The following EYS variants were observed in gnomAD, a reference collection of about 807,000 sequenced individuals.
EYS encodes the protein EGF-like photoreceptor maintenance factor.
EYS carries 250 observed loss-of-function variants against 282.1 expected under a neutral mutation model. That is an observed-to-expected ratio of 0.89 (90% CI 0.80 to 0.98). The LOEUF (loss-of-function observed/expected upper bound fraction) is 0.98, where lower values mean the gene tolerates loss of function less well. Ranked by LOEUF, EYS falls within the 50% of genes least tolerant of loss-of-function variation. The pLI is 0.00. For synonymous variants in EYS, 1,355 were observed against 1,282.9 expected (o/e 1.06, Z -1.20); for missense variants, 4,016 against 3,709.0 (o/e 1.08, Z -2.15).
chr6:65,646,243 A>C lies in EYS; in HGVS notation c.-447-6351T>G, dbSNP rs78148547. On this transcript the variant is annotated intron_variant, in intron 1 of 42. Coordinates refer to ENST00000503581, the MANE Select transcript of EYS (RefSeq NM_001142800.2). ...ATCACAACTACAACAAGAACAAAAA[A>C]ACTGCAGACCAATATCCCTGTTGAG... Among the ~76,000 whole-genome samples, 695 of 152,178 alleles carry C rather than the reference A, an allele frequency of 4.6e-3. 9 individuals are homozygous for C. Among genetic ancestry groups the C allele is most frequent in the African/African-American group, 0.016 (651 of 41,546 alleles).
At chr6:65,663,250 C>G (rs1404518361) in intron 1 of EYS, among the ~76,000 whole-genome samples, 1 of 152,012 alleles carries the variant, frequency 6.6e-6, no homozygotes, top group Non-Finnish European at 1.5e-5. Context: ...ATCTAGAGAA[C>G]AGGAAGAGAG....
intron 31 of EYS, among the ~76,000 whole-genome samples, chr6:64,082,265 A>C (rs1562191085): frequency 6.6e-6 from 1 of 152,134 alleles, no homozygotes; most frequent in Non-Finnish European, 1.5e-5. Flanking sequence ...CATAACAAAC[A>C]CTCTAAAATT....
chr6:65,360,109 A>T (rs1283488072), intron 8 of EYS, among the ~76,000 whole-genome samples: 1 of 151,992 alleles, frequency 6.6e-6, no homozygotes, highest in African/African-American at 2.4e-5. Flanking sequence ...ATATAACCTT[A>T]TAATTCTGAT....
intron 26 of EYS, among the ~76,000 whole-genome samples, chr6:64,444,896 C>G (rs1370781030): frequency 6.6e-6 from 1 of 152,168 alleles, no homozygotes; most frequent in Non-Finnish European, 1.5e-5. Flanking sequence ...ATGTGAAACC[C>G]TGCCTCCCAC....
intron 30 of EYS, among the ~76,000 whole-genome samples, chr6:64,284,919 A>G (rs940867848): frequency 6.6e-6 from 1 of 151,656 alleles, no homozygotes; most frequent in Non-Finnish European, 1.5e-5. Context: ...CCACAAAACC[A>G]TTTTTTCCTA....
rs574133506 is a variant in EYS, at chr6:64,048,695, T to C, written c.6725+17643A>G. 3.3e-5 allele frequency among the ~76,000 whole-genome samples: 5 copies of C among 152,228 alleles called. No homozygotes were observed. In the South Asian group the frequency reaches 1.0e-3, roughly 32 times the overall value. The stretch of plus-strand genomic sequence containing the variant: ...AAGTGCCCATGTTCATCTAGTCATT[T>C]TTTTTTGTTCATTTTTATATGACTA... On this transcript the variant is annotated intron_variant, in intron 33 of 42. Transcript: ENST00000503581.
At chr6:64,603,180 G>GA (rs1389169740) in intron 24 of EYS, among the ~76,000 whole-genome samples, 1 of 151,768 alleles carries the variant, frequency 6.6e-6, no homozygotes, top group South Asian at 2.1e-4. Context: ...AGATTTATAG[G>GA]AAAAAAAGTG....
rs79721389 is a variant in EYS, at chr6:63,998,663, T to C, written c.6834+412A>G. Among the ~76,000 whole-genome samples, 478 of 152,320 alleles carry C rather than the reference T, an allele frequency of 3.1e-3. 1 individual carries two copies. The highest frequency in any genetic ancestry group is 0.011 in the African/African-American group (459 of 41,582). On this transcript the variant is annotated intron_variant, in intron 34 of 42. Transcript: ENST00000503581. ...TTCAATGTTTCTAAGAGAAATTTTC[T>C]GGCCAATGCAAATCTGGAAGACTGG...
chr6:64,569,562 A>C (rs1765657851), intron 26 of EYS, among the ~76,000 whole-genome samples: 1 of 152,030 alleles, frequency 6.6e-6, no homozygotes, highest in Admixed American at 6.6e-5. Context: ...TAACACGGTG[A>C]AACCCCGTCT....
At chr6:65,339,755 T>C (rs1479588998) in intron 10 of EYS, among the ~76,000 whole-genome samples, 1 of 151,192 alleles carries the variant, frequency 6.6e-6, no homozygotes, top group Non-Finnish European at 1.5e-5. Context: ...AGGCCTTCTG[T>C]AGAGTACACA....
chr6:64,496,046 C>T (rs1161848807), intron 26 of EYS, among the ~76,000 whole-genome samples: 1 of 151,740 alleles, frequency 6.6e-6, no homozygotes, highest in Non-Finnish European at 1.5e-5. Flanking sequence ...AATTCATGTA[C>T]TCATTTATTT....
chr6:64,195,692 TATAA>T (rs1333617024), intron 31 of EYS, among the ~76,000 whole-genome samples: 4 of 152,352 alleles, frequency 2.6e-5, no homozygotes, highest in South Asian at 4.1e-4. Context: ...TGTGTGTATG[TATAA>T]ATAAATTTTT....
At chr6:64,375,099 A>G (rs1289974224) in intron 29 of EYS, among the ~76,000 whole-genome samples, 4 of 152,230 alleles carry the variant, frequency 2.6e-5, no homozygotes, top group African/African-American at 9.6e-5. Flanking sequence ...GTCAGAAAGT[A>G]ACACTTAAAA....
chr6:64,894,059 G>C (rs1044395833), intron 18 of EYS, among the ~76,000 whole-genome samples: 25 of 151,932 alleles, frequency 1.6e-4, no homozygotes, highest in African/African-American at 6.0e-4. Flanking sequence ...ACATTATTCT[G>C]AGACTTATTT....
In EYS at chr6:63,754,629, G is replaced by A. The variant is rs1204432013; in HGVS notation, c.8071+7832C>T. Among the ~76,000 whole-genome samples the A allele has an allele frequency of 3.3e-5, 5 of 152,232 alleles. No individual in the cohort carries two copies. In the South Asian group the frequency reaches 6.2e-4, roughly 19 times the overall value. On this transcript the variant is annotated intron_variant, in intron 41 of 42. Transcript: ENST00000503581. ...GGGTTTGTTCCAAGTCTTTGCTATT[G>A]TGAATAGTGCCACAATAAACATACG...
intron 12 of EYS, among the ~76,000 whole-genome samples, chr6:65,208,901 T>A (rs1766103352): frequency 6.6e-6 from 1 of 151,812 alleles, no homozygotes; most frequent in Non-Finnish European, 1.5e-5. Flanking sequence ...TGCAATACAT[T>A]CAAGTCACAA....
chr6:64,026,867 T>C (rs1769542294), intron 33 of EYS, among the ~76,000 whole-genome samples: 1 of 152,132 alleles, frequency 6.6e-6, no homozygotes, highest in Admixed American at 6.5e-5. Flanking sequence ...CATGTCCCCT[T>C]CTCCCTCTCT....
At chr6:65,636,377 C>T (rs1356465931) in intron 2 of EYS, among the ~76,000 whole-genome samples, 7 of 152,082 alleles carry the variant, frequency 4.6e-5, no homozygotes. Context: ...TTTTTGCTTG[C>T]TTGTCTTCCT....
chr6:65,144,371 G>T (rs1764422113), intron 12 of EYS, among the ~76,000 whole-genome samples: 2 of 152,198 alleles, frequency 1.3e-5, no homozygotes, highest in South Asian at 4.1e-4. Flanking sequence ...TGTGAATTCA[G>T]TAAGCTCACC....
Sources: gnomAD v4.1 joint callset for allele counts (sites outside exome capture counted in the v4.1 genomes callset) on GRCh38, gnomAD v4.1.1 for gene constraint, MANE v1.5 for transcripts, NCBI Gene and HGNC (gene_info 2026-07-23, HGNC 2026-07-21) for gene names.